The following POLR1A variants were observed in gnomAD, a reference collection of about 807,000 sequenced individuals.
POLR1A encodes the protein RNA polymerase I subunit A.
A neutral mutation model predicts 205.3 loss-of-function variants in POLR1A; 84 were observed. That is an observed-to-expected ratio of 0.41 (90% CI 0.34 to 0.49). POLR1A has a LOEUF of 0.49. POLR1A is among the 20% of genes least tolerant of loss of function. POLR1A has a pLI of 0.22. For missense variants in POLR1A, 1,645 were observed against 2,204.5 expected, an observed-to-expected ratio of 0.75 and a Z score of 5.08; for synonymous variants, 799 against 863.7, an observed-to-expected ratio of 0.93 and a Z score of 1.31.
chr2:86,098,782 A>C (rs1162357754), intron 2 of POLR1A, 22 bp from the exon 3 acceptor site: 1 of 1,613,092 alleles, frequency 6.2e-7, no homozygotes, highest in East Asian at 2.2e-5. Context: ...GAATAAAAAC[A>C]AACAGGATAT....
At chr2:86,053,723 G>C (rs1283496240) in intron 15 of POLR1A, among the ~76,000 whole-genome samples, 1 of 152,152 alleles carries the variant, frequency 6.6e-6, no homozygotes, top group African/African-American at 2.4e-5. Flanking sequence ...CAGAGGCCTT[G>C]GAAATCTTCA....
chr2:86,056,100 A>G (rs745414623), intron 14 of POLR1A, among the ~76,000 whole-genome samples: 5 of 152,210 alleles, frequency 3.3e-5, no homozygotes, highest in Non-Finnish European at 4.4e-5. Context: ...CAAGGTCAAC[A>G]TATAAAAATT....
chr2:86,027,213 G>A lies in POLR1A; in HGVS notation c.*210C>T. 1.7e-6 allele frequency: 1 copy of A among 593,834 alleles called. No individual in the cohort carries two copies. Among genetic ancestry groups the A allele is most frequent in the South Asian group, 2.0e-5 (1 of 49,700 alleles). 36.8% of individuals were successfully genotyped at this position (593,834 alleles called of 1,614,324 possible). A position where few individuals can be genotyped will look rare whatever the true frequency, so the allele number is the denominator to read the frequency against. On this transcript the variant is annotated 3_prime_UTR_variant, in exon 34 of 34. Transcript: ENST00000263857. ...TGATAAAAATCCAGAGACAGGGAGG[G>A]GCAAGGATGAGCAACTCTGTCACTT...
At chr2:86,099,349 A>G (rs1573838622) in intron 2 of POLR1A, among the ~76,000 whole-genome samples, 1 of 149,252 alleles carries the variant, frequency 6.7e-6, no homozygotes, top group East Asian at 1.9e-4. Context: ...GGAATGAGAC[A>G]CTGTCTTAAA....
At chr2:86,031,233 G>A in intron 30 of POLR1A, 97 bp downstream of exon 30, 3 of 1,457,328 alleles carry the variant, frequency 2.1e-6, no homozygotes, top group South Asian at 1.6e-5. Flanking sequence ...GCTGCCCCCT[G>A]CCCAGCTGTG....
rs147514415 is a variant in POLR1A, at chr2:86,042,230, C to T, written c.3358-127G>A. 1.1e-5 allele frequency: 8 copies of T among 701,044 alleles called. No homozygotes were observed. The African/African-American group carries it at 1.2e-4, about 11-fold the overall frequency. 43.4% of individuals were successfully genotyped at this position (701,044 alleles called of 1,614,324 possible). On this transcript the variant is annotated intron_variant, in intron 23 of 33. Coordinates refer to ENST00000263857, the MANE Select transcript of POLR1A (RefSeq NM_015425.6). ...AAACCTGATTGCAATGAGAAACCAT[C>T]TCCCCATTTAAAATGGGGAGAGACT... is the stretch of plus-strand genomic sequence containing the variant.
rs1393603910 is a variant in POLR1A, at chr2:86,027,412, C to G, written c.*11G>C. On this transcript the variant is annotated 3_prime_UTR_variant, in exon 34 of 34. Coordinates refer to ENST00000263857, the MANE Select transcript of POLR1A (RefSeq NM_015425.6). ...GTCCTTGGAGCTGGGCAGATGGTGCCGGGGTAGCTGCTATCTCAGAGGCTG... is the reference window on the plus strand; with the variant it reads ...GTCCTTGGAGCTGGGCAGATGGTGCGGGGGTAGCTGCTATCTCAGAGGCTG... 3.1e-6 allele frequency: 5 copies of G among 1,610,240 alleles called. No individual in the cohort carries two copies. Among genetic ancestry groups the G allele is most frequent in the Non-Finnish European group, 4.2e-6 (5 of 1,176,602 alleles).
intron 3 of POLR1A, among the ~76,000 whole-genome samples, chr2:86,091,223 A>C (rs1302540565): frequency 6.6e-6 from 1 of 152,230 alleles, no homozygotes; most frequent in Non-Finnish European, 1.5e-5. Context: ...TCTCTGGAGA[A>C]GGCAGCGTCA....
At chr2:86,090,609 T>C (rs1037511698) in intron 3 of POLR1A, among the ~76,000 whole-genome samples, 1 of 152,204 alleles carries the variant, frequency 6.6e-6, no homozygotes, top group Non-Finnish European at 1.5e-5. Context: ...TGCAGCCACA[T>C]GCGCTGATGC....
intron 14 of POLR1A, among the ~76,000 whole-genome samples, chr2:86,061,304 A>C (rs1672990766): frequency 6.6e-6 from 1 of 152,122 alleles, no homozygotes; most frequent in Non-Finnish European, 1.5e-5. Flanking sequence ...AAAATTTGCT[A>C]GGTGTGGTGG....
At chr2:86,074,951 A>G (rs1042974727) in intron 12 of POLR1A, 79 bp downstream of exon 12, 8 of 1,000,312 alleles carry the variant, frequency 8.0e-6, no homozygotes, top group Non-Finnish European at 1.2e-5. Flanking sequence ...TGCGCACCGG[A>G]GCCACACCTG....
chr2:86,034,618 A>T (rs1472614087), intron 27 of POLR1A, among the ~76,000 whole-genome samples: 1 of 151,846 alleles, frequency 6.6e-6, no homozygotes, highest in African/African-American at 2.4e-5. Context: ...CCAGAATAGC[A>T]CACCAAAAAG....
rs548727862 is a variant in POLR1A at position 86,063,562 on chromosome 2, A to C, written c.2058+1712T>G. On this transcript the variant is annotated intron_variant, in intron 14 of 33. Coordinates refer to ENST00000263857, the MANE Select transcript of POLR1A (RefSeq NM_015425.6). ...AAACCAAACAAACATATTATAAGAAAATAAAACTACAGACCAATATCTATC... is the reference window on the plus strand; with the variant it reads ...AAACCAAACAAACATATTATAAGAACATAAAACTACAGACCAATATCTATC... 2.7e-4 allele frequency among the ~76,000 whole-genome samples: 41 copies of C among 152,278 alleles called. No individual in the cohort carries two copies. The South Asian group carries it at 8.1e-3, about 30-fold the overall frequency.
chr2:86,090,070 CAA>C, intron 3 of POLR1A, 141 bp from the exon 4 acceptor site: 1 of 597,724 alleles, frequency 1.7e-6, no homozygotes, highest in East Asian at 2.8e-5. Context: ...GTTGCACTTT[CAA>C]AAGAGTGAGA....
chr2:86,098,303 A>G (rs1673745389), intron 3 of POLR1A, among the ~76,000 whole-genome samples: 2 of 152,248 alleles, frequency 1.3e-5, no homozygotes, highest in Non-Finnish European at 2.9e-5. Context: ...AAGACAGATC[A>G]AAGAGATGTA....
intron 31 of POLR1A, 90 bp downstream of exon 31, chr2:86,030,106 C>A: frequency 9.4e-7 from 1 of 1,062,920 alleles, no homozygotes; most frequent in Non-Finnish European, 1.4e-6. Context: ...GAGTAAATCG[C>A]GTAGAGCGAG....
At chr2:86,101,382 C>A (rs1673819288) in intron 1 of POLR1A, among the ~76,000 whole-genome samples, 1 of 152,156 alleles carries the variant, frequency 6.6e-6, no homozygotes, top group Non-Finnish European at 1.5e-5. Context: ...AGGAACTAAG[C>A]TGCTCAGCTC....
At chr2:86,072,975 G>A (rs1259734431) in intron 12 of POLR1A, among the ~76,000 whole-genome samples, 2 of 152,168 alleles carry the variant, frequency 1.3e-5, no homozygotes, top group Non-Finnish European at 2.9e-5. Context: ...AACTTCGGGA[G>A]GCTGAGGAGG....
rs148114401 is a variant in POLR1A at position 86,098,573 on chromosome 2, G to A, written c.432+38C>T. On this transcript the variant is annotated intron_variant, in intron 3 of 33. Transcript: ENST00000263857. ...CATCTCTTGTTCCCCACACCACTTT[G>A]CCTTTTCTGATTTCTGTGACCACCA... is the stretch of plus-strand genomic sequence containing the variant. 3.4e-5 allele frequency: 54 copies of A among 1,604,744 alleles called. No individual in the cohort carries two copies. In the African/African-American group the frequency reaches 6.6e-4, roughly 20 times the overall value.
Sources: gnomAD v4.1 joint callset for allele counts (sites outside exome capture counted in the v4.1 genomes callset) on GRCh38, gnomAD v4.1.1 for gene constraint, MANE v1.5 for transcripts, NCBI Gene and HGNC (gene_info 2026-07-23, HGNC 2026-07-21) for gene names.